The following MIS18BP1 variants were observed in gnomAD, a reference collection of about 807,000 sequenced individuals.
The protein encoded by MIS18BP1 is mis18-binding protein 1.
A neutral mutation model predicts 116.1 loss-of-function variants in MIS18BP1; 72 were observed. The observed-to-expected ratio is 0.62, with a 90% CI of 0.51 to 0.75. The LOEUF is 0.75. Ranked by LOEUF, MIS18BP1 falls within the 30% of genes least tolerant of loss-of-function variation. The probability of loss-of-function intolerance (pLI) is 0.00; values close to 1 mark genes in which losing one functional copy is unlikely to be tolerated. For synonymous variants in MIS18BP1, 386 were observed against 427.0 expected, an observed-to-expected ratio of 0.90 and a Z score of 1.18; for missense variants, 1,363 against 1,303.2, an observed-to-expected ratio of 1.05 and a Z score of -0.71.
At chr14:45,238,813 AT>A in intron 4 of MIS18BP1, among the ~76,000 whole-genome samples, 1 of 152,162 alleles carries the variant, frequency 6.6e-6, no homozygotes, top group East Asian at 1.9e-4. Flanking sequence ...CAAAAAGTAA[AT>A]ACATAAAAAT....
chr14:45,241,598 T>A (rs550547799), intron 4 of MIS18BP1: 203 of 155,398 alleles, frequency 1.3e-3, no homozygotes, highest in Non-Finnish European at 1.8e-3. Flanking sequence ...AGTTTAATGC[T>A]CTAAAGTCTT....
intron 2 of MIS18BP1, among the ~76,000 whole-genome samples, chr14:45,244,019 G>C (rs1017311424): frequency 6.6e-6 from 1 of 152,094 alleles, no homozygotes; most frequent in Non-Finnish European, 1.5e-5. Context: ...ATGAGAAATA[G>C]ATGACTTTGT....
chr14:45,229,319 A>G (rs1336764790), intron 8 of MIS18BP1, among the ~76,000 whole-genome samples: 1 of 152,084 alleles, frequency 6.6e-6, no homozygotes, highest in Non-Finnish European at 1.5e-5. Flanking sequence ...CAGCCTGGCA[A>G]CATAGTAGGA....
At chr14:45,246,722 T>C (rs757751904) in intron 2 of MIS18BP1, 21 bp downstream of exon 2, 3 of 1,532,254 alleles carry the variant, frequency 2.0e-6, no homozygotes, top group East Asian at 4.5e-5. Context: ...TACAGCTTTT[T>C]AGCTAACACA....
At chr14:45,214,522 CA>C (rs1470008682) in intron 13 of MIS18BP1, among the ~76,000 whole-genome samples, 2 of 152,054 alleles carry the variant, frequency 1.3e-5, no homozygotes, top group Non-Finnish European at 2.9e-5. Flanking sequence ...ACTCAGAGAC[CA>C]GGGGCGCCGC....
intron 1 of MIS18BP1, among the ~76,000 whole-genome samples, chr14:45,252,276 C>A (rs1017159304): frequency 4.6e-5 from 7 of 152,114 alleles, no homozygotes; most frequent in Admixed American, 4.6e-4. Flanking sequence ...TAAATCCCGC[C>A]ACATCCATAC....
chr14:45,243,156 T>C (rs894427753), intron 2 of MIS18BP1, among the ~76,000 whole-genome samples: 13 of 152,178 alleles, frequency 8.5e-5, no homozygotes, highest in African/African-American at 3.1e-4. Flanking sequence ...GTATTGGACT[T>C]AGAAACCTAG....
chr14:45,236,446 A>C (rs1471632349), intron 5 of MIS18BP1, among the ~76,000 whole-genome samples: 1 of 152,246 alleles, frequency 6.6e-6, no homozygotes, highest in African/African-American at 2.4e-5. Flanking sequence ...TACTGTATCA[A>C]ATCACTGACC....
chr14:45,252,201 AG>A (rs1287469412), intron 1 of MIS18BP1, among the ~76,000 whole-genome samples: 1 of 152,226 alleles, frequency 6.6e-6, no homozygotes, highest in Middle Eastern at 3.2e-3. Flanking sequence ...CCCACTACAC[AG>A]GGAAGTTCAC....
chr14:45,243,191 C>G (rs1228433303), intron 2 of MIS18BP1, among the ~76,000 whole-genome samples: 1 of 152,130 alleles, frequency 6.6e-6, no homozygotes, highest in Non-Finnish European at 1.5e-5. Flanking sequence ...GGTGCTGCCA[C>G]AAATTGGATA....
chr14:45,218,569 CA>C, intron 11 of MIS18BP1, 115 bp from the exon 12 acceptor site: 5 of 962,710 alleles, frequency 5.2e-6, no homozygotes, highest in Non-Finnish European at 7.3e-6. Context: ...TCAGTTTTAT[CA>C]AAATCATTCT....
chr14:45,212,735 C>G lies in MIS18BP1; in HGVS notation c.3004-2207G>C, dbSNP rs113843208. ...GGTAAGGGAGAAAGCCTCAAGTGAG[C>G]CTGTGTATAAATCCAGTAAACACAC... On this transcript the variant is annotated intron_variant, in intron 13 of 16. Coordinates refer to ENST00000310806, the MANE Select transcript of MIS18BP1 (RefSeq NM_018353.5). Among the ~76,000 whole-genome samples, 240 of 152,328 alleles carry G rather than the reference C, an allele frequency of 1.6e-3. 3 individuals are homozygous for G. Among genetic ancestry groups the G allele is most frequent in the African/African-American group, 5.6e-3 (234 of 41,564 alleles).
chr14:45,226,784 C>A lies in MIS18BP1; in HGVS notation c.1799G>T (p.Gly600Val). The change falls in exon 10 of 17, where the codon GGT (glycine) becomes GTT (valine). Residue 600 changes from glycine to valine, a missense_variant. Gly to Val is a moderately radical substitution (Grantham distance 109). Transcript: ENST00000310806. ...TATTATCCTTTCATTTGTTCTTTCA[C>A]CAATTTTTAGTTTCTTTGAAGACAT... Reference protein sequence around the residue: ...YKMSSKKLKIGERTNERIIKS... With the variant: ...YKMSSKKLKIVERTNERIIKS... 7.1e-7 allele frequency: 1 copy of A among 1,412,778 alleles called. No individual in the cohort carries two copies. Among genetic ancestry groups the A allele is most frequent in the Non-Finnish European group, 9.4e-7 (1 of 1,061,600 alleles). The allele number at this position is 1,412,778 out of a possible 1,614,324, so 87.5% of individuals were successfully genotyped here.
rs1272282836 is a variant in MIS18BP1 at position 45,242,499 on chromosome 14, T to A, written c.678A>T (p.Gln226His). ...CTACAGCCAAAAAATTTTCCTGTTC[T>A]TGGTTCAGAGTTGGAAGTTCTGCAA... ...NLTYELPTLN[Q>H]EQENFLAVEA... The change falls in exon 4 of 17, where the codon CAA becomes CAT. Residue 226 changes from glutamine to histidine, a missense_variant. Coordinates refer to ENST00000310806, the MANE Select transcript of MIS18BP1 (RefSeq NM_018353.5). 1 of 1,593,512 alleles carries A rather than the reference T, an allele frequency of 6.3e-7. No homozygotes were observed. The highest frequency in any genetic ancestry group is 1.4e-5 in the African/African-American group (1 of 73,304).
chr14:45,240,009 C>A (rs1891532741), intron 4 of MIS18BP1, among the ~76,000 whole-genome samples: 1 of 152,142 alleles, frequency 6.6e-6, no homozygotes, highest in Non-Finnish European at 1.5e-5. Context: ...CATTTTCTCA[C>A]ATTTTCAATT....
chr14:45,245,213 T>C (rs1042852200), intron 2 of MIS18BP1, among the ~76,000 whole-genome samples: 22 of 152,176 alleles, frequency 1.4e-4, no homozygotes, highest in African/African-American at 4.8e-4. Context: ...AAACGAGCAG[T>C]AGAATCTCAG....
intron 14 of MIS18BP1, among the ~76,000 whole-genome samples, chr14:45,209,068 G>GCCC (rs774336947): frequency 6.6e-6 from 1 of 151,788 alleles, no homozygotes; most frequent in Non-Finnish European, 1.5e-5. Flanking sequence ...AAATTCAAAA[G>GCCC]CCCCCCTCTC....
chr14:45,205,387 C>T (rs932171491), intron 15 of MIS18BP1, among the ~76,000 whole-genome samples: 1 of 151,990 alleles, frequency 6.6e-6, no homozygotes, highest in Non-Finnish European at 1.5e-5. Context: ...TTACCATTCT[C>T]GAAGATTAGC....
intron 1 of MIS18BP1, among the ~76,000 whole-genome samples, chr14:45,252,591 G>C (rs966479199): frequency 6.6e-6 from 1 of 152,028 alleles, no homozygotes; most frequent in African/African-American, 2.4e-5. Context: ...GTGCCACCGC[G>C]CCCGACCATT....
Sources: allele counts gnomAD v4.1 joint callset (sites outside exome capture counted in the v4.1 genomes callset), GRCh38; gene constraint gnomAD v4.1.1; transcripts MANE v1.5; gene names NCBI Gene and HGNC (gene_info 2026-07-23, HGNC 2026-07-21).